GALNT9: variants seen among roughly 807,000 people sequenced by gnomAD.
GALNT9 encodes polypeptide N-acetylgalactosaminyltransferase 9.
A neutral mutation model predicts 63.1 loss-of-function variants in GALNT9; 47 were observed. That is an observed-to-expected ratio of 0.75 (90% CI 0.59 to 0.95). The LOEUF (loss-of-function observed/expected upper bound fraction) is 0.95. Ranked by LOEUF, GALNT9 falls within the 40% of genes least tolerant of loss-of-function variation. The pLI, the probability that GALNT9 is intolerant of heterozygous loss-of-function variation, is 0.00. For missense variants in GALNT9, 829 were observed against 874.8 expected, an observed-to-expected ratio of 0.95 and a Z score of 0.66; for synonymous variants, 396 against 365.7, an observed-to-expected ratio of 1.08 and a Z score of -0.94.
chr12:132,297,587 A>G lies in GALNT9; in HGVS notation c.239-11157T>C, dbSNP rs981382953. On this transcript the variant is annotated intron_variant, in intron 1 of 10. Transcript: ENST00000328957. Reference sequence around the variant, plus strand: ...CTGAGATAGCCAACTCACTCCTGAGATAACCAACTCACTCCCATGATAACC... The same window carrying G: ...CTGAGATAGCCAACTCACTCCTGAGGTAACCAACTCACTCCCATGATAACC... Among the ~76,000 whole-genome samples the G allele has an allele frequency of 2.0e-5, 3 of 152,034 alleles. No homozygotes were observed. The East Asian group carries it at 5.8e-4, about 30-fold the overall frequency.
At chr12:132,203,438 A>T (rs537557027) in intron 7 of GALNT9, 67 bp downstream of exon 7, 4 of 1,522,886 alleles carry the variant, frequency 2.6e-6, no homozygotes, top group East Asian at 2.3e-5. Context: ...CCTCCGGCCC[A>T]GCCCTGCCGT....
intron 6 of GALNT9, among the ~76,000 whole-genome samples, chr12:132,210,128 G>T (rs1369943076): frequency 6.6e-6 from 1 of 152,204 alleles, no homozygotes; most frequent in Non-Finnish European, 1.5e-5. Context: ...TGGGAAAACA[G>T]GAGACTCCTC....
chr12:132,255,566 T>A (rs1164029279), intron 5 of GALNT9, among the ~76,000 whole-genome samples: 1 of 152,228 alleles, frequency 6.6e-6, no homozygotes, highest in Admixed American at 6.5e-5. Context: ...TCCACAACCC[T>A]TTATCTTAAC....
chr12:132,208,839 G>T (rs1335635208), intron 6 of GALNT9, among the ~76,000 whole-genome samples: 7 of 152,236 alleles, frequency 4.6e-5, no homozygotes, highest in Non-Finnish European at 4.4e-5. Context: ...GGCAGGTACA[G>T]CTGGCAAAGA....
At chr12:132,308,621 C>T (rs1169959182) in intron 1 of GALNT9, among the ~76,000 whole-genome samples, 8 of 152,184 alleles carry the variant, frequency 5.3e-5, no homozygotes, top group Non-Finnish European at 1.5e-5. Flanking sequence ...CCAGGGCTTT[C>T]CCAGGCCAGG....
At chr12:132,257,973 A>G in intron 4 of GALNT9, 87 bp from the exon 5 acceptor site, 1 of 889,122 alleles carries the variant, frequency 1.1e-6, no homozygotes, top group South Asian at 1.6e-5. Context: ...AGGGGAGGCC[A>G]GTCCCCACCT....
intron 6 of GALNT9, among the ~76,000 whole-genome samples, chr12:132,212,112 C>CA (rs1876978613): frequency 6.6e-6 from 1 of 152,204 alleles, no homozygotes; most frequent in African/African-American, 2.4e-5. Flanking sequence ...TGCCAGCCTT[C>CA]AGACCGTGAC....
At chr12:132,325,095 G>A (rs782300117) in intron 1 of GALNT9, among the ~76,000 whole-genome samples, 20 of 152,048 alleles carry the variant, frequency 1.3e-4, no homozygotes, top group Admixed American at 5.9e-4. Flanking sequence ...TTCCGGCGTC[G>A]TGCTCATGTG....
chr12:132,262,219 TG>T (rs1159034614), intron 3 of GALNT9, among the ~76,000 whole-genome samples: 1 of 152,078 alleles, frequency 6.6e-6, no homozygotes, highest in East Asian at 1.9e-4. Flanking sequence ...TGCAGACACA[TG>T]GGAGAGGCCG....
At chr12:132,295,404 A>G (rs543854253) in intron 1 of GALNT9, among the ~76,000 whole-genome samples, 1 of 152,378 alleles carries the variant, frequency 6.6e-6, no homozygotes, top group East Asian at 1.9e-4. Context: ...AAAAACAGGC[A>G]GAGTCCCAGC....
rs1012823451 is a variant in GALNT9, at chr12:132,287,651, C to T, written c.239-1221G>A. Among the ~76,000 whole-genome samples the T allele has an allele frequency of 5.3e-5, 8 of 152,174 alleles. No individual in the cohort carries two copies. In the East Asian group the frequency reaches 5.8e-4, roughly 11 times the overall value. On this transcript the variant is annotated intron_variant, in intron 1 of 10. Coordinates refer to ENST00000328957, the MANE Select transcript of GALNT9 (RefSeq NM_001122636.2). ...CATGGCCATCGGGGCAGGACGGGGA[C>T]CCCGGGGTGGGGCAGTGTCGACTGG...
chr12:132,257,311 G>C (rs1555239162), intron 5 of GALNT9, among the ~76,000 whole-genome samples: 1 of 152,152 alleles, frequency 6.6e-6, no homozygotes, highest in Non-Finnish European at 1.5e-5. Flanking sequence ...CTGTGATACA[G>C]ACAAGCTCTG....
intron 2 of GALNT9, among the ~76,000 whole-genome samples, chr12:132,268,745 G>A (rs1235685061): frequency 6.6e-6 from 1 of 152,168 alleles, no homozygotes. Flanking sequence ...CGTCACCACC[G>A]AAGACGCCCA....
chr12:132,240,592 TG>T (rs2136898766), intron 6 of GALNT9: 15 of 455,728 alleles, frequency 3.3e-5, no homozygotes, highest in Non-Finnish European at 4.9e-5. Context: ...GGCTCGGCTG[TG>T]GGCTCCGTGC....
chr12:132,328,011 G>A (rs552547295), intron 1 of GALNT9, among the ~76,000 whole-genome samples: 2 of 152,306 alleles, frequency 1.3e-5, no homozygotes, highest in African/African-American at 4.8e-5. Context: ...TGCTGGGGCT[G>A]CCAAGGCAGA....
chr12:132,202,782 G>A (rs552905264), intron 7 of GALNT9, among the ~76,000 whole-genome samples: 1 of 152,076 alleles, frequency 6.6e-6, no homozygotes, highest in African/African-American at 2.4e-5. Flanking sequence ...GGGATGGGTC[G>A]CGGCCACCCG....
At chr12:132,211,708 G>A (rs12230480) in intron 6 of GALNT9, among the ~76,000 whole-genome samples, 78,294 of 152,042 alleles carry the variant, frequency 0.51, 20,427 homozygotes, top group East Asian at 0.71. Context: ...CCCCCTCTCC[G>A]TCGAGGGGAC....
At chr12:132,264,440 G>A (rs1332083886) in intron 2 of GALNT9, among the ~76,000 whole-genome samples, 1 of 152,248 alleles carries the variant, frequency 6.6e-6, no homozygotes, top group Non-Finnish European at 1.5e-5. Flanking sequence ...GTTTGGTTTC[G>A]GGCCCGGCTT....
chr12:132,227,103 A>G (rs1877723636), intron 6 of GALNT9, among the ~76,000 whole-genome samples: 1 of 152,130 alleles, frequency 6.6e-6, no homozygotes, highest in African/African-American at 2.4e-5. Context: ...CAAATTGTAC[A>G]TAAATCCATG....
Sources: gnomAD v4.1 joint callset for allele counts (sites outside exome capture counted in the v4.1 genomes callset) on GRCh38, gnomAD v4.1.1 for gene constraint, MANE v1.5 for transcripts, NCBI Gene and HGNC (gene_info 2026-07-23, HGNC 2026-07-21) for gene names.